The following SSH2 variants were observed in gnomAD, a reference collection of about 807,000 sequenced individuals.
The protein encoded by SSH2 is protein phosphatase Slingshot homolog 2.
In SSH2, 37 loss-of-function variants were observed where a neutral mutation model predicts 135.2. The ratio of observed to expected loss-of-function variants is 0.27; its 90% CI spans 0.21 to 0.36. SSH2 has a LOEUF of 0.36. SSH2 is among the 10% of genes least tolerant of loss of function. The probability of loss-of-function intolerance (pLI) is 1.00; values close to 1 mark genes in which losing one functional copy is unlikely to be tolerated. For missense variants in SSH2, 1,408 were observed against 1,765.3 expected, an observed-to-expected ratio of 0.80 and a Z score of 3.63; for synonymous variants, 628 against 646.2, an observed-to-expected ratio of 0.97 and a Z score of 0.43.
intron 3 of SSH2, among the ~76,000 whole-genome samples, chr17:29,740,088 C>T (rs1300433329): frequency 1.3e-5 from 2 of 152,152 alleles, no homozygotes; most frequent in African/African-American, 4.8e-5. Context: ...TCTGTTTTGA[C>T]CTCTGAACTC....
intron 3 of SSH2, among the ~76,000 whole-genome samples, chr17:29,752,527 G>A (rs2040977413): frequency 6.6e-6 from 1 of 152,026 alleles, no homozygotes; most frequent in South Asian, 2.1e-4. Flanking sequence ...ATAAATTCCA[G>A]ATGTTTTAAA....
chr17:29,835,341 C>T (rs1411048640), intron 2 of SSH2, among the ~76,000 whole-genome samples: 1 of 152,176 alleles, frequency 6.6e-6, no homozygotes, highest in African/African-American at 2.4e-5. Context: ...AAAAACTTAG[C>T]CAAAACGGCA....
At chr17:29,878,430 G>A (rs1156804133) in intron 1 of SSH2, among the ~76,000 whole-genome samples, 1 of 152,126 alleles carries the variant, frequency 6.6e-6, no homozygotes, top group Non-Finnish European at 1.5e-5. Context: ...TGCGTCTACT[G>A]CTACAGATAA....
intron 5 of SSH2, among the ~76,000 whole-genome samples, chr17:29,685,997 C>G (rs375034785): frequency 6.6e-6 from 1 of 150,894 alleles, no homozygotes; most frequent in East Asian, 2.0e-4. Flanking sequence ...TATAGGCATG[C>G]GCCACCACAT....
Position 29,649,565 on chromosome 17 carries a change from T to A in SSH2, c.1226+1089A>T, listed in dbSNP as rs201823679. Among the ~76,000 whole-genome samples the A allele has an allele frequency of 5.7e-4, 87 of 151,582 alleles. No homozygotes were observed. In the East Asian group the frequency reaches 6.6e-3, roughly 12 times the overall value. On this transcript the variant is annotated intron_variant, in intron 13 of 15. Transcript: ENST00000540801. ...CTGTGACCGGCTAATTAAAAAAAAA[T>A]TTTTTTTTGTAGAAATAGGAGTCTT...
At chr17:29,772,815 G>A (rs755724328) in intron 3 of SSH2, among the ~76,000 whole-genome samples, 1 of 151,994 alleles carries the variant, frequency 6.6e-6, no homozygotes, top group Non-Finnish European at 1.5e-5. Context: ...TCTGGACTTG[G>A]GACTCCAGGA....
chr17:29,779,875 T>C (rs1279641316), intron 3 of SSH2, among the ~76,000 whole-genome samples: 1 of 143,322 alleles, frequency 7.0e-6, no homozygotes, highest in African/African-American at 2.6e-5. Context: ...TTACAGCCAC[T>C]TTCTAATAAA....
chr17:29,651,709 T>C (rs985643685), intron 12 of SSH2, among the ~76,000 whole-genome samples: 1 of 152,154 alleles, frequency 6.6e-6, no homozygotes, highest in Non-Finnish European at 1.5e-5. Flanking sequence ...ATGAAATGAA[T>C]ACAGAAAAAG....
At chr17:29,667,487 A>G (rs1336520314) in intron 9 of SSH2, among the ~76,000 whole-genome samples, 1 of 152,214 alleles carries the variant, frequency 6.6e-6, no homozygotes, top group Non-Finnish European at 1.5e-5. Context: ...CAGTGGCAGC[A>G]TTAGATTCTC....
chr17:29,918,383 T>C (rs570627984), intron 1 of SSH2, among the ~76,000 whole-genome samples: 2 of 152,268 alleles, frequency 1.3e-5, no homozygotes, highest in Non-Finnish European at 2.9e-5. Flanking sequence ...ACAATAATAG[T>C]ACTACTTCCA....
rs373592221 is a variant in SSH2, at chr17:29,636,393, C to T, written c.1837G>A (p.Ala613Thr). The change falls in exon 15 of 16, where the codon GCC (alanine) becomes ACC (threonine). Residue 613 changes from alanine (A) to threonine (T), a missense_variant. By Grantham distance (58) the Ala-to-Thr change is moderately conservative. This residue lies in a region of SSH2 where 1,080 missense variants were observed against 1,144.5 expected (regional missense o/e 0.94). Transcript: ENST00000540801. ...ACTGTTAAGTCTGGAAACTTGTTGG[C>T]CATTTCTGGGACATGTCCAGGCTGA... Reference protein sequence around the residue: ...LIQPGHVPEMANKFPDLTVED... With the variant: ...LIQPGHVPEMTNKFPDLTVED... The T allele has an allele frequency of 1.1e-5, 18 of 1,614,050 alleles. No homozygotes were observed. Among genetic ancestry groups the T allele is most frequent in the Non-Finnish European group, 1.4e-5 (17 of 1,180,044 alleles).
In SSH2 at chr17:29,684,726, C is replaced by T; in HGVS notation, c.358-42G>A. ...AACAGAGAAATTATGAAATTTAGGACATTAATTTCAGATCATTTCAACCCT... is the reference window on the plus strand; with the variant it reads ...AACAGAGAAATTATGAAATTTAGGATATTAATTTCAGATCATTTCAACCCT... On this transcript the variant is annotated intron_variant, in intron 5 of 15. Coordinates refer to ENST00000540801, the MANE Select transcript of SSH2 (RefSeq NM_001282129.2). 2.5e-6 allele frequency: 4 copies of T among 1,584,176 alleles called. 1 individual carries two copies. The Middle Eastern group carries it at 6.7e-4, about 267-fold the overall frequency.
chr17:29,668,809 A>G (rs560034271), intron 9 of SSH2, among the ~76,000 whole-genome samples: 209 of 152,130 alleles, frequency 1.4e-3, no homozygotes, highest in Non-Finnish European at 1.1e-3. Flanking sequence ...TTCCTAAGCA[A>G]TTTTCCCCTC....
At chr17:29,692,933 C>T (rs1377194057) in intron 5 of SSH2, among the ~76,000 whole-genome samples, 1 of 152,172 alleles carries the variant, frequency 6.6e-6, no homozygotes, top group Non-Finnish European at 1.5e-5. Context: ...TTCTGATATA[C>T]TTTAAAGTTG....
intron 13 of SSH2, 53 bp from the exon 14 acceptor site, chr17:29,648,397 T>C: frequency 1.4e-6 from 2 of 1,447,484 alleles, no homozygotes; most frequent in Non-Finnish European, 1.8e-6. Context: ...AGTGGGGATA[T>C]TTTAAAAGTT....
At chr17:29,699,649 A>G (rs1279971789) in intron 4 of SSH2, among the ~76,000 whole-genome samples, 3 of 152,240 alleles carry the variant, frequency 2.0e-5, no homozygotes, top group African/African-American at 7.2e-5. Flanking sequence ...CAGGAGCTTT[A>G]AAAGCCACTG....
intron 1 of SSH2, among the ~76,000 whole-genome samples, chr17:29,864,644 TAA>T (rs540074955): frequency 2.9e-5 from 4 of 138,044 alleles, no homozygotes; most frequent in Admixed American, 7.2e-5. Context: ...GAATACTTAC[TAA>T]AAAAAAAAAA....
chr17:29,824,357 G>A (rs1051982315), intron 2 of SSH2, among the ~76,000 whole-genome samples: 2 of 152,116 alleles, frequency 1.3e-5, no homozygotes, highest in Non-Finnish European at 2.9e-5. Context: ...ATGGCATCAC[G>A]ATGACTGCCA....
intron 1 of SSH2, among the ~76,000 whole-genome samples, chr17:29,851,999 C>T (rs539666834): frequency 2.9e-4 from 44 of 151,926 alleles, no homozygotes; most frequent in South Asian, 6.3e-4. Flanking sequence ...AATGACCTTT[C>T]GGCTGGGCAC....
Sources: gnomAD v4.1 joint callset for allele counts (sites outside exome capture counted in the v4.1 genomes callset) on GRCh38, gnomAD v4.1.1 for gene constraint, gnomAD v4.1.1 regional missense constraint, MANE v1.5 for transcripts, NCBI Gene and HGNC (gene_info 2026-07-23, HGNC 2026-07-21) for gene names.